MDGA2: variants seen among roughly 807,000 people sequenced by gnomAD.
MDGA2 encodes MAM domain containing glycosylphosphatidylinositol anchor 2.
A neutral mutation model predicts 117.8 loss-of-function variants in MDGA2; 40 were observed. The observed-to-expected ratio is 0.34, with a 90% CI of 0.26 to 0.44. The LOEUF (loss-of-function observed/expected upper bound fraction) is 0.44, where lower values mean the gene tolerates loss of function less well. MDGA2 is among the 20% of genes least tolerant of loss of function. MDGA2 has a pLI of 1.00. For missense variants in MDGA2, 1,123 were observed against 1,250.6 expected (o/e 0.90, Z 1.54); for synonymous variants, 452 against 439.0 (o/e 1.03, Z -0.37).
chr14:47,643,812 G>A (rs1469672269), intron 1 of MDGA2, among the ~76,000 whole-genome samples: 2 of 152,064 alleles, frequency 1.3e-5, no homozygotes, highest in South Asian at 2.1e-4. Context: ...AAATGGCATA[G>A]ATTCTCCACT....
intron 1 of MDGA2, among the ~76,000 whole-genome samples, chr14:47,516,278 A>G (rs1350918687): frequency 6.6e-6 from 1 of 152,168 alleles, no homozygotes; most frequent in Non-Finnish European, 1.5e-5. Context: ...ATCATTTTTC[A>G]TAAGGAGTGT....
intron 1 of MDGA2, among the ~76,000 whole-genome samples, chr14:47,327,416 G>A (rs1301770948): frequency 6.6e-6 from 1 of 152,150 alleles, no homozygotes; most frequent in Non-Finnish European, 1.5e-5. Flanking sequence ...GCCTACATGA[G>A]TGTAAGAAAC....
intron 1 of MDGA2, among the ~76,000 whole-genome samples, chr14:47,361,220 T>TAC (rs2138370951): frequency 7.2e-6 from 1 of 139,412 alleles, no homozygotes; most frequent in East Asian, 2.2e-4. Flanking sequence ...TATATATATA[T>TAC]ATATATATGG....
chr14:47,581,408 T>A (rs1481858415), intron 1 of MDGA2, among the ~76,000 whole-genome samples: 6 of 151,974 alleles, frequency 3.9e-5, no homozygotes, highest in Admixed American at 3.3e-4. Context: ...AACAATCAAG[T>A]TTTTATGGAA....
chr14:47,529,472 C>T (rs1403335355), intron 1 of MDGA2, among the ~76,000 whole-genome samples: 1 of 151,994 alleles, frequency 6.6e-6, no homozygotes, highest in Non-Finnish European at 1.5e-5. Flanking sequence ...AGGTATTTAT[C>T]TTTTGTGTTA....
At chr14:47,566,834 T>C (rs767981242) in intron 1 of MDGA2, among the ~76,000 whole-genome samples, 19 of 151,954 alleles carry the variant, frequency 1.3e-4, no homozygotes, top group Non-Finnish European at 2.5e-4. Flanking sequence ...GCTTGGAGTA[T>C]GCTAGTCTTC....
In MDGA2 at chr14:47,019,626, G is replaced by C. The variant is rs1888213445; in HGVS notation, c.1819+15385C>G. Among the ~76,000 whole-genome samples, 3 of 152,156 alleles carry C rather than the reference G, an allele frequency of 2.0e-5. No homozygotes were observed. The South Asian group carries it at 6.2e-4, about 32-fold the overall frequency. The stretch of plus-strand genomic sequence containing the variant: ...TGGAAGGCCGAGGCGGGCGGATCAC[G>C]AGGTCAGGAGATCGAGATCATCCTG... On this transcript the variant is annotated intron_variant, in intron 8 of 16. Coordinates refer to ENST00000399232, the MANE Select transcript of MDGA2 (RefSeq NM_001113498.3).
At chr14:46,971,647 G>C (rs975286997) in intron 8 of MDGA2, among the ~76,000 whole-genome samples, 1 of 151,942 alleles carries the variant, frequency 6.6e-6, no homozygotes, top group Non-Finnish European at 1.5e-5. Context: ...CTTGATAGCA[G>C]ATTAGAGAGA....
At chr14:46,940,711 G>C (rs1260133471) in intron 9 of MDGA2, among the ~76,000 whole-genome samples, 1 of 152,076 alleles carries the variant, frequency 6.6e-6, no homozygotes, top group Non-Finnish European at 1.5e-5. Flanking sequence ...GAGTGTGTGC[G>C]TGGAGGGGAA....
chr14:47,431,773 C>G (rs1234658549), intron 1 of MDGA2, among the ~76,000 whole-genome samples: 1 of 151,964 alleles, frequency 6.6e-6, no homozygotes, highest in Non-Finnish European at 1.5e-5. Flanking sequence ...GACTTAGTAA[C>G]TAAAAACATT....
chr14:47,424,933 G>A (rs1303069034), intron 1 of MDGA2, among the ~76,000 whole-genome samples: 5 of 152,198 alleles, frequency 3.3e-5, no homozygotes, highest in African/African-American at 1.2e-4. Context: ...GTGTTGGTAC[G>A]TTGCAGGAGA....
intron 9 of MDGA2, among the ~76,000 whole-genome samples, chr14:46,939,476 T>G (rs1055582144): frequency 6.6e-6 from 1 of 152,174 alleles, no homozygotes; most frequent in Non-Finnish European, 1.5e-5. Context: ...GTAAACCTGC[T>G]TCCAGTGTTC....
intron 6 of MDGA2, among the ~76,000 whole-genome samples, chr14:47,092,457 G>C (rs1323347834): frequency 6.6e-6 from 1 of 152,060 alleles, no homozygotes; most frequent in South Asian, 2.1e-4. Flanking sequence ...AGACTTCATA[G>C]ACAATTAAAG....
chr14:47,460,845 C>T (rs1893468184), intron 1 of MDGA2, among the ~76,000 whole-genome samples: 1 of 152,124 alleles, frequency 6.6e-6, no homozygotes, highest in Non-Finnish European at 1.5e-5. Flanking sequence ...CAATAAGTCC[C>T]ATCATCAGAA....
intron 9 of MDGA2, among the ~76,000 whole-genome samples, chr14:46,940,775 T>G (rs1182403571): frequency 6.6e-6 from 1 of 152,126 alleles, no homozygotes; most frequent in East Asian, 1.9e-4. Flanking sequence ...GAATGTTCAA[T>G]GGTGTACTTA....
rs1263671933 is a variant in MDGA2 at position 46,884,371 on chromosome 14, TTCTC to T, written c.2239-2154_2239-2151del. Among the ~76,000 whole-genome samples the T allele has an allele frequency of 3.9e-5, 6 of 152,268 alleles. No homozygotes were observed. In the South Asian group the frequency reaches 1.2e-3, roughly 32 times the overall value. On this transcript the variant is annotated intron_variant, in intron 10 of 16. Transcript: ENST00000399232. The surrounding 1 kb of genome is among the most constrained non-coding windows in gnomAD (Gnocchi z 4.1). ...TTCCCTTGGATTTTTACGTAGTACT[TTCTC>T]TATGTACACACACATACACATGTAC...
chr14:47,649,790 A>C (rs1181184555), intron 1 of MDGA2, among the ~76,000 whole-genome samples: 1 of 152,178 alleles, frequency 6.6e-6, no homozygotes, highest in Non-Finnish European at 1.5e-5. Context: ...TATAGGAGAC[A>C]TAACAGTGGA....
At chr14:47,379,335 G>A (rs1438319033) in intron 1 of MDGA2, among the ~76,000 whole-genome samples, 8 of 152,190 alleles carry the variant, frequency 5.3e-5, no homozygotes, top group South Asian at 2.1e-4. Context: ...ACCAGTTAAC[G>A]TCATAATGAC....
chr14:47,632,974 A>G (rs1389879511), intron 1 of MDGA2, among the ~76,000 whole-genome samples: 1 of 152,162 alleles, frequency 6.6e-6, no homozygotes, highest in Non-Finnish European at 1.5e-5. Flanking sequence ...AAATGAGGAT[A>G]ATGGAAATAT....
Sources: allele counts gnomAD v4.1 joint callset (sites outside exome capture counted in the v4.1 genomes callset), GRCh38; gene constraint gnomAD v4.1.1; non-coding constraint Gnocchi (gnomAD v3.1); transcripts MANE v1.5; gene names NCBI Gene and HGNC (gene_info 2026-07-23, HGNC 2026-07-21).